The following ACVR1B variants were observed in gnomAD, a reference collection of about 807,000 sequenced individuals.
The protein encoded by ACVR1B is activin A receptor type 1B.
A neutral mutation model predicts 55.6 loss-of-function variants in ACVR1B; 15 were observed. The ratio of observed to expected loss-of-function variants is 0.27; its 90% CI spans 0.18 to 0.42. The LOEUF is 0.42. ACVR1B is among the 10% of genes least tolerant of loss of function. ACVR1B has a pLI of 1.00. For synonymous variants in ACVR1B, 247 were observed against 254.6 expected (o/e 0.97, Z 0.28); for missense variants, 359 against 670.1 (o/e 0.54, Z 5.13).
intron 1 of ACVR1B, among the ~76,000 whole-genome samples, chr12:51,964,972 C>T (rs1231443688): frequency 9.3e-5 from 14 of 150,616 alleles, no homozygotes; most frequent in African/African-American, 2.4e-4. Flanking sequence ...ATTTTGGGAT[C>T]GGCTTTTTCA....
intron 1 of ACVR1B, among the ~76,000 whole-genome samples, chr12:51,961,654 C>G (rs73094764): frequency 2.0e-5 from 3 of 152,160 alleles, no homozygotes; most frequent in Admixed American, 1.3e-4. Flanking sequence ...GTGACATACA[C>G]GGTCTCCTCT....
Position 51,975,436 on chromosome 12 carries a change from A to G in ACVR1B, c.263A>G (p.Glu88Gly), listed in dbSNP as rs1565616187. The change falls in exon 2 of 9, where the codon GAG (glutamate) becomes GGG (glycine). Residue 88 changes from glutamate (E) to glycine (G), a missense_variant. Around this residue, in one of 5 missense-constraint regions of ACVR1B, gnomAD observed 133 missense variants for 188.2 expected, o/e 0.71. Coordinates refer to ENST00000257963, the MANE Select transcript of ACVR1B (RefSeq NM_004302.5). ...AGKPFYCLSS[E>G]DLRNTHCCYT... ...AAGCCCTTCTACTGCCTGAGCTCGGAGGACCTGCGCAACACCCACTGCTGC... is the reference window on the plus strand; with the variant it reads ...AAGCCCTTCTACTGCCTGAGCTCGGGGGACCTGCGCAACACCCACTGCTGC... 1 of 1,614,188 alleles carries G rather than the reference A, an allele frequency of 6.2e-7. No homozygotes were observed. Among genetic ancestry groups the G allele is most frequent in the Non-Finnish European group, 8.5e-7 (1 of 1,180,026 alleles).
rs186509515 is a variant in ACVR1B, at chr12:51,990,361, C to G, written c.1262-1502C>G. Among the ~76,000 whole-genome samples the G allele has an allele frequency of 9.1e-4, 110 of 121,314 alleles. 2 individuals are homozygous for G. The East Asian group carries it at 0.014, about 15-fold the overall frequency. 79.6% of individuals were successfully genotyped at this position (121,314 alleles called of 152,430 possible). A position where few individuals can be genotyped will look rare whatever the true frequency, so the allele number is the denominator to read the frequency against. ...AGACAGAGTCTCACTGTCACCCAGG[C>G]TGGAGTGCAGTGGCGTGATCACAGC... On this transcript the variant is annotated intron_variant, in intron 7 of 8. Transcript: ENST00000257963.
intron 3 of ACVR1B, among the ~76,000 whole-genome samples, chr12:51,978,394 T>C (rs1373320923): frequency 6.6e-6 from 1 of 152,236 alleles, no homozygotes; most frequent in African/African-American, 2.4e-5. Flanking sequence ...TCATTCAGAA[T>C]ATGCAGAGCT....
intron 1 of ACVR1B, among the ~76,000 whole-genome samples, chr12:51,970,794 T>C (rs149839304): frequency 6.6e-5 from 10 of 152,310 alleles, no homozygotes; most frequent in African/African-American, 2.4e-4. Context: ...TTTGAAAATC[T>C]CTAGCGTACC....
intron 1 of ACVR1B, among the ~76,000 whole-genome samples, chr12:51,959,547 C>T (rs1941477585): frequency 6.6e-6 from 1 of 152,154 alleles, no homozygotes; most frequent in Admixed American, 6.5e-5. Flanking sequence ...CTGGCACTGT[C>T]GGTGCTGTGC....
intron 1 of ACVR1B, among the ~76,000 whole-genome samples, chr12:51,961,817 A>G (rs1326378953): frequency 1.3e-5 from 2 of 152,222 alleles, no homozygotes; most frequent in Admixed American, 1.3e-4. Context: ...CAAAGGAGAA[A>G]TGCAATTTCC....
At chr12:51,967,000 G>A (rs1398839143) in intron 1 of ACVR1B, among the ~76,000 whole-genome samples, 1 of 152,176 alleles carries the variant, frequency 6.6e-6, no homozygotes, top group African/African-American at 2.4e-5. Context: ...CAGCACTTTG[G>A]GAGGCCGAGA....
At chr12:51,952,797 C>G (rs1263655856) in intron 1 of ACVR1B, among the ~76,000 whole-genome samples, 1 of 151,896 alleles carries the variant, frequency 6.6e-6, no homozygotes, top group East Asian at 1.9e-4. Flanking sequence ...CCTTCCTACA[C>G]GATGCCTCTT....
chr12:51,951,769 C>A lies in ACVR1B; in HGVS notation c.26C>A (p.Ser9Tyr). 1 of 1,291,872 alleles carries A rather than the reference C, an allele frequency of 7.7e-7. No homozygotes were observed. The highest frequency in any genetic ancestry group is 9.9e-7 in the Non-Finnish European group (1 of 1,011,348). The allele number at this position is 1,291,872 out of a possible 1,614,324, so 80.0% of individuals were successfully genotyped here. MAESAGAS[S>Y]FFPLVVLLLA... ...ATGGCGGAGTCGGCCGGAGCCTCCT[C>A]CTTCTTCCCCCTTGTTGTCCTCCTG... The change falls in exon 1 of 9, where the codon TCC becomes TAC. Residue 9 changes from serine (S) to tyrosine (Y), a missense_variant. Ser to Tyr is a moderately radical substitution (Grantham distance 144, BLOSUM62 -2). Coordinates refer to ENST00000257963, the MANE Select transcript of ACVR1B (RefSeq NM_004302.5).
chr12:51,991,847 C>A lies in ACVR1B; in HGVS notation c.1262-16C>A, dbSNP rs565517674. 6.2e-7 allele frequency: 1 copy of A among 1,610,670 alleles called. No individual in the cohort carries two copies. The highest frequency in any genetic ancestry group is 1.7e-5 in the Admixed American group (1 of 59,652). ...CTGCTGTTGATAACTCAGGTAGATA[C>A]TTTCTTTTCTCCCAGGAGTCCATGA... On this transcript the variant is annotated splice_polypyrimidine_tract_variant and intron_variant, in intron 7 of 8. Transcript: ENST00000257963.
At chr12:51,986,716 G>T (rs2120713609) in intron 6 of ACVR1B, 102 bp from the exon 7 acceptor site, 1 of 1,477,944 alleles carries the variant, frequency 6.8e-7, no homozygotes, top group East Asian at 2.3e-5. Context: ...CTTTATCAGG[G>T]TGATACTCTT....
intron 8 of ACVR1B, among the ~76,000 whole-genome samples, chr12:51,992,872 C>T (rs1482099610): frequency 1.3e-5 from 2 of 152,050 alleles, no homozygotes; most frequent in Admixed American, 6.6e-5. Context: ...TTGTGACATA[C>T]GTACTAATAA....
intron 1 of ACVR1B, among the ~76,000 whole-genome samples, chr12:51,966,096 C>T (rs750872498): frequency 7.9e-5 from 12 of 152,050 alleles, no homozygotes; most frequent in Non-Finnish European, 1.2e-4. Flanking sequence ...AAAGAATTAA[C>T]ATCACAAAAA....
At position 51,975,448 on chromosome 12, in the gene ACVR1B, A is replaced by G. The variant is rs1272306611; in HGVS notation, c.275A>G (p.Asn92Ser). The G allele has an allele frequency of 1.9e-6, 3 of 1,614,186 alleles. No homozygotes were observed. Among genetic ancestry groups the G allele is most frequent in the African/African-American group, 1.3e-5 (1 of 75,030 alleles). Residue 92 changes from asparagine to serine, a missense_variant, in exon 2 of 9, where the codon AAC (asparagine) becomes AGC (serine). This residue lies in a region of ACVR1B where 133 missense variants were observed against 188.2 expected (regional missense o/e 0.71). Coordinates refer to ENST00000257963, the MANE Select transcript of ACVR1B (RefSeq NM_004302.5). ...TGCCTGAGCTCGGAGGACCTGCGCA[A>G]CACCCACTGCTGCTACACTGACTAC... ...FYCLSSEDLR[N>S]THCCYTDYCN...
intron 8 of ACVR1B, among the ~76,000 whole-genome samples, chr12:51,992,566 A>G (rs2120763066): frequency 6.6e-6 from 1 of 152,324 alleles, no homozygotes; most frequent in African/African-American, 2.4e-5. Context: ...ACAAGTGACA[A>G]CTGAACCCAG....
In ACVR1B at chr12:51,995,835, A is replaced by G. The variant is rs1251990787; in HGVS notation, c.*1725A>G. 6.6e-6 allele frequency: 1 copy of G among 152,432 alleles called. No homozygotes were observed. The highest frequency in any genetic ancestry group is 1.9e-4 in the East Asian group (1 of 5,174). 9.4% of individuals were successfully genotyped at this position (152,432 alleles called of 1,614,324 possible). On this transcript the variant is annotated 3_prime_UTR_variant, in exon 9 of 9. Coordinates refer to ENST00000257963, the MANE Select transcript of ACVR1B (RefSeq NM_004302.5). ...CTCTCGTATTTTGTCCCCACCCCCAATTCCTTGAGTGGTTTTTGCTCTAGG... is the reference window on the plus strand; with the variant it reads ...CTCTCGTATTTTGTCCCCACCCCCAGTTCCTTGAGTGGTTTTTGCTCTAGG...
chr12:51,968,357 C>G (rs934009733), intron 1 of ACVR1B, among the ~76,000 whole-genome samples: 3 of 152,168 alleles, frequency 2.0e-5, no homozygotes, highest in African/African-American at 7.2e-5. Context: ...GGTTTAAAAC[C>G]AATCTTATAT....
chr12:51,993,462 T>C (rs1942233021), intron 8 of ACVR1B, among the ~76,000 whole-genome samples: 1 of 152,106 alleles, frequency 6.6e-6, no homozygotes, highest in East Asian at 1.9e-4. Flanking sequence ...TTGTGTAAGC[T>C]GTCCCTTAAA....
Sources: gnomAD v4.1 joint callset for allele counts (sites outside exome capture counted in the v4.1 genomes callset) on GRCh38, gnomAD v4.1.1 for gene constraint, gnomAD v4.1.1 regional missense constraint, MANE v1.5 for transcripts, NCBI Gene and HGNC (gene_info 2026-07-23, HGNC 2026-07-21) for gene names.